The following ZNF385D variants were observed in gnomAD, a reference collection of about 807,000 sequenced individuals.
ZNF385D encodes the protein zinc finger protein 385D, also known as zinc finger protein 659.
ZNF385D carries 15 observed loss-of-function variants against 35.8 expected under a neutral mutation model. That is an observed-to-expected ratio of 0.42 (90% CI 0.28 to 0.64). The LOEUF (loss-of-function observed/expected upper bound fraction) is 0.64. Among genes scored for constraint, ZNF385D ranks in the 30% least tolerant of loss-of-function variants. The pLI, the probability that ZNF385D is intolerant of heterozygous loss-of-function variation, is 0.23. For synonymous variants in ZNF385D, 212 were observed against 186.8 expected (o/e 1.13, Z -1.10); for missense variants, 474 against 494.6 (o/e 0.96, Z 0.39).
At chr3:21,991,420 A>T (rs1695137288) in intron 3 of ZNF385D, among the ~76,000 whole-genome samples, 1 of 152,232 alleles carries the variant, frequency 6.6e-6, no homozygotes, top group South Asian at 2.1e-4. Flanking sequence ...GAAATAAATC[A>T]CATTTGTTTT....
intron 1 of ZNF385D, among the ~76,000 whole-genome samples, chr3:21,674,126 T>G (rs1401852011): frequency 2.0e-5 from 3 of 152,110 alleles, no homozygotes. Flanking sequence ...AGAGACTGTT[T>G]AGAAAAGGAA....
chr3:22,198,372 G>A (rs1696560039), intron 2 of ZNF385D, among the ~76,000 whole-genome samples: 1 of 152,108 alleles, frequency 6.6e-6, no homozygotes, highest in Non-Finnish European at 1.5e-5. Context: ...GATTCTCAAT[G>A]AGAGAAAGCT....
chr3:21,433,401 T>C (rs1197549040), intron 5 of ZNF385D, among the ~76,000 whole-genome samples: 6 of 152,218 alleles, frequency 3.9e-5, no homozygotes, highest in Non-Finnish European at 7.3e-5. Context: ...AGAACTATTA[T>C]TCGGATGCAA....
intron 3 of ZNF385D, among the ~76,000 whole-genome samples, chr3:22,124,400 A>G (rs1200888082): frequency 1.3e-5 from 2 of 152,140 alleles, no homozygotes; most frequent in Admixed American, 6.6e-5. Flanking sequence ...GGGAGTGCAG[A>G]TATCTCTTTG....
At chr3:22,149,590 G>A (rs988905753) in intron 3 of ZNF385D, among the ~76,000 whole-genome samples, 4 of 152,114 alleles carry the variant, frequency 2.6e-5, no homozygotes, top group African/African-American at 9.7e-5. Flanking sequence ...TTAAAGCCAC[G>A]ACCATAGAGG....
chr3:22,237,534 G>A lies in ZNF385D; in HGVS notation c.107-68499C>T, dbSNP rs115341762. Among the ~76,000 whole-genome samples, 173 of 152,160 alleles carry A rather than the reference G, an allele frequency of 1.1e-3. 1 individual carries two copies. Among genetic ancestry groups the A allele is most frequent in the African/African-American group, 4.0e-3 (165 of 41,534 alleles). On this transcript the variant is annotated intron_variant, in intron 2 of 5. Coordinates refer to the ZNF385D transcript ENST00000494108. ...TCCAATTTATCTACTGTGTTATTTT[G>A]TTGCCTTTGCTTTTGGTGTTATATC...
At chr3:21,757,591 T>C (rs1559591853) in intron 3 of ZNF385D, among the ~76,000 whole-genome samples, 1 of 152,172 alleles carries the variant, frequency 6.6e-6, no homozygotes, top group Non-Finnish European at 1.5e-5. Flanking sequence ...AAAAAAATAG[T>C]TGTTGAGTAC....
intron 3 of ZNF385D, among the ~76,000 whole-genome samples, chr3:22,126,067 T>C (rs1703407225): frequency 6.6e-6 from 1 of 152,082 alleles, no homozygotes; most frequent in South Asian, 2.1e-4. Flanking sequence ...TATGCCTTTA[T>C]TTTGTTGAGG....
At chr3:21,755,766 A>G (rs896424405), upstream of ZNF385D, among the ~76,000 whole-genome samples, 4 of 152,184 alleles carry the variant, frequency 2.6e-5, no homozygotes, top group African/African-American at 9.7e-5. Context: ...TTATTTATCT[A>G]TGAATTCATT....
chr3:22,014,171 C>T (rs1425491322), intron 3 of ZNF385D, among the ~76,000 whole-genome samples: 1 of 151,754 alleles, frequency 6.6e-6, no homozygotes, highest in Non-Finnish European at 1.5e-5. Flanking sequence ...ACCAAAAAGT[C>T]CCATAGTTCT....
chr3:21,636,733 C>T (rs182448193), intron 2 of ZNF385D, among the ~76,000 whole-genome samples: 18 of 151,990 alleles, frequency 1.2e-4, no homozygotes, highest in Admixed American at 9.2e-4. Context: ...GCAACACCCT[C>T]GCAGACACAC....
At chr3:21,835,546 C>T (rs1373383379) in intron 3 of ZNF385D, among the ~76,000 whole-genome samples, 4 of 150,012 alleles carry the variant, frequency 2.7e-5, no homozygotes, top group Middle Eastern at 3.2e-3. Flanking sequence ...AAACCAAATA[C>T]GTATGTTCAC....
At chr3:21,924,012 A>G (rs1004750329) in intron 3 of ZNF385D, among the ~76,000 whole-genome samples, 4 of 152,194 alleles carry the variant, frequency 2.6e-5, no homozygotes, top group South Asian at 2.1e-4. Flanking sequence ...TTAAAACAAT[A>G]TATTTATGCC....
At chr3:21,978,642 A>G (rs73135350) in intron 3 of ZNF385D, among the ~76,000 whole-genome samples, 4,375 of 152,270 alleles carry the variant, frequency 0.029, 222 homozygotes, top group African/African-American at 0.098. Flanking sequence ...TTCTTATTCA[A>G]TTACTCTTTT....
intron 3 of ZNF385D, among the ~76,000 whole-genome samples, chr3:21,892,764 A>C (rs1382100116): frequency 2.0e-5 from 3 of 152,144 alleles, no homozygotes; most frequent in African/African-American, 7.2e-5. Context: ...TTAATTTCCA[A>C]AAACTATTTA....
intron 3 of ZNF385D, among the ~76,000 whole-genome samples, chr3:21,957,399 T>C (rs1275385341): frequency 1.3e-5 from 2 of 151,904 alleles, no homozygotes; most frequent in Non-Finnish European, 2.9e-5. Context: ...GACAGGAAAA[T>C]ATGGGAAAGT....
At chr3:21,871,086 C>T (rs911185912) in intron 3 of ZNF385D, among the ~76,000 whole-genome samples, 8 of 152,184 alleles carry the variant, frequency 5.3e-5, no homozygotes, top group Non-Finnish European at 8.8e-5. Flanking sequence ...CTCTCCCCAA[C>T]TCTGTGACCT....
chr3:22,347,530 T>C (rs1260511894), intron 2 of ZNF385D, among the ~76,000 whole-genome samples: 1 of 152,056 alleles, frequency 6.6e-6, no homozygotes, highest in Non-Finnish European at 1.5e-5. Context: ...TTCAAAACAA[T>C]CAGACATGTC....
At chr3:22,072,343 T>TA (rs5847158) in intron 3 of ZNF385D, among the ~76,000 whole-genome samples, 55 of 151,362 alleles carry the variant, frequency 3.6e-4, no homozygotes, top group Non-Finnish European at 6.9e-4. Context: ...AACGGAAAAA[T>TA]AAAAAAAAAT....
Sources: gnomAD v4.1 joint callset for allele counts (sites outside exome capture counted in the v4.1 genomes callset) on GRCh38, gnomAD v4.1.1 for gene constraint, MANE v1.5 for transcripts, NCBI Gene and HGNC (gene_info 2026-07-23, HGNC 2026-07-21) for gene names.